The following FUS variants were observed in gnomAD, a reference collection of about 807,000 sequenced individuals.
FUS encodes RNA-binding protein FUS.
Under a neutral mutation model 82.7 loss-of-function variants are expected in FUS, and 5 were observed. That is an observed-to-expected ratio of 0.06 (90% confidence interval 0.03 to 0.13). The LOEUF is 0.13. Among genes scored for constraint, FUS ranks in the 10% least tolerant of loss-of-function variants. FUS has a pLI of 1.00. For missense variants in FUS, 512 were observed against 707.8 expected (o/e 0.72, Z 3.14); for synonymous variants, 281 against 247.4 (o/e 1.14, Z -1.27).
In FUS at chr16:31,187,903, G is replaced by A. The variant is rs530472679; in HGVS notation, c.800-422G>A. On this transcript the variant is annotated intron_variant, in intron 7 of 14. Coordinates refer to ENST00000254108, the MANE Select transcript of FUS (RefSeq NM_004960.4). ...CAAGGGTTAAGTGTCTGGTGGTAAA[G>A]TTGGGAGAAACTGGATGGATGCACA... The A allele has an allele frequency of 1.2e-4, 32 of 268,714 alleles. 1 individual carries two copies. In the South Asian group the frequency reaches 2.9e-3, roughly 25 times the overall value. 16.6% of individuals were successfully genotyped at this position (268,714 alleles called of 1,614,324 possible). A position where few individuals can be genotyped will look rare whatever the true frequency, so the allele number is the denominator to read the frequency against.
intron 12 of FUS, 70 bp downstream of exon 12, chr16:31,190,468 T>C: frequency 2.5e-6 from 4 of 1,605,930 alleles, no homozygotes; most frequent in Non-Finnish European, 3.4e-6. Context: ...TACTGAGGTA[T>C]GTGCGTGTTT....
At chr16:31,190,433 G>T in intron 12 of FUS, 35 bp downstream of exon 12, 1 of 1,613,874 alleles carries the variant, frequency 6.2e-7, no homozygotes, top group Non-Finnish European at 8.5e-7. Flanking sequence ...TAGTTCTCTT[G>T]CATGCGTGCT....
intron 4 of FUS, 39 bp from the exon 5 acceptor site, chr16:31,184,170 G>C: frequency 6.2e-7 from 1 of 1,614,184 alleles, no homozygotes; most frequent in Non-Finnish European, 8.5e-7. Context: ...TGGGGGCTAT[G>C]CTGGGATTGT....
In FUS at chr16:31,190,392, C is replaced by T; in HGVS notation, c.1286C>T (p.Pro429Leu). Residue 429 changes from proline (P) to leucine (L), a missense_variant, in exon 12 of 15, where the codon CCT (proline) becomes CTT (leucine). This residue lies in a region of FUS where 63 missense variants were observed against 83.0 expected (regional missense o/e 0.76). Transcript: ENST00000254108. The stretch of plus-strand genomic sequence containing the variant: ...CAGCGAGCTGGTGACTGGAAGTGTC[C>T]TAATCCGTGAGTGAAACTTAATTTT... ...GQQRAGDWKC[P>L]NPTCENMNFS... 6.2e-7 allele frequency: 1 copy of T among 1,614,124 alleles called. No individual in the cohort carries two copies. Among genetic ancestry groups the T allele is most frequent in the South Asian group, 1.1e-5 (1 of 91,074 alleles).
At chr16:31,180,254 G>A (rs1286132474) in intron 1 of FUS, 27 bp downstream of exon 1, 2 of 1,604,448 alleles carry the variant, frequency 1.2e-6, no homozygotes, top group East Asian at 4.5e-5. Context: ...GGCGACGGCG[G>A]CGGCGCACCC....
At chr16:31,192,203 G>A (rs1282635445), downstream of FUS, 3 of 527,722 alleles carry the variant, frequency 5.7e-6, no homozygotes, top group Non-Finnish European at 1.1e-5. Flanking sequence ...GTACTCAGAG[G>A]GCTTGAGGTC....
Position 31,190,766 on chromosome 16 carries a change from T to G in FUS, c.1317T>G (p.Ser439=), listed in dbSNP as rs377010944. The change falls in exon 13 of 15, where the codon TCT becomes TCG. Residue 439 remains serine (S), a synonymous_variant. Coordinates refer to ENST00000254108, the MANE Select transcript of FUS (RefSeq NM_004960.4). Reference sequence around the variant, plus strand: ...GCACCTGTGAGAATATGAACTTCTCTTGGAGGAATGAATGCAACCAGTGTA... The same window carrying G: ...GCACCTGTGAGAATATGAACTTCTCGTGGAGGAATGAATGCAACCAGTGTA... ...PNPTCENMNF[S]WRNECNQCKA... 5 of 1,614,074 alleles carry G rather than the reference T, an allele frequency of 3.1e-6. No individual in the cohort carries two copies. In the African/African-American group the frequency reaches 4.0e-5, roughly 13 times the overall value.
At chr16:31,180,638 C>G (rs572010988) in intron 1 of FUS, among the ~76,000 whole-genome samples, 89 of 152,362 alleles carry the variant, frequency 5.8e-4, no homozygotes, top group African/African-American at 2.1e-3. Flanking sequence ...CCTCCCCCTT[C>G]GCGGCGCGGG....
chr16:31,191,345 G>A (rs1446499040), intron 14 of FUS, 54 bp from the exon 15 acceptor site: 1 of 1,605,932 alleles, frequency 6.2e-7, no homozygotes, highest in Non-Finnish European at 8.5e-7. Flanking sequence ...TAGGCTTGGA[G>A]AGGCTGGTAA....
rs749434237 is a variant in FUS at position 31,185,116 on chromosome 16, G to T, written c.701G>T (p.Arg234Leu). ...GGCGGCGGCGGTGGTGGTTACAACC[G>T]CAGCAGTGGTGGCTATGAACCCAGA... is the stretch of plus-strand genomic sequence containing the variant. ...GGGGGGGGYN[R>L]SSGGYEPRGR... The change falls in exon 6 of 15, where the codon CGC becomes CTC. Residue 234 changes from arginine (R) to leucine (L), a missense_variant. By Grantham distance (102) the Arg-to-Leu change is moderately radical. This residue lies in a region of FUS where 276 missense variants were observed against 303.3 expected (regional missense o/e 0.91). Coordinates refer to ENST00000254108, the MANE Select transcript of FUS (RefSeq NM_004960.4). 3 of 1,609,296 alleles carry T rather than the reference G, an allele frequency of 1.9e-6. No homozygotes were observed. The highest frequency in any genetic ancestry group is 1.1e-5 in the South Asian group (1 of 90,646).
intron 1 of FUS, among the ~76,000 whole-genome samples, chr16:31,181,059 C>A (rs1257581386): frequency 6.6e-6 from 1 of 152,160 alleles, no homozygotes; most frequent in Non-Finnish European, 1.5e-5. Context: ...ATTATAGGCG[C>A]CCGCCACCAC....
At position 31,180,140 on chromosome 16, in the gene FUS, C is replaced by G. The variant is rs1413647268; in HGVS notation, c.-75C>G. ...AGCTTCGACGCAGGAGGCGGGGCTG[C>G]TCAGTCCTCCAGGCGTCGGTACTCA... On this transcript the variant is annotated 5_prime_UTR_variant, in exon 1 of 15. Coordinates refer to ENST00000254108, the MANE Select transcript of FUS (RefSeq NM_004960.4). 12 of 1,576,922 alleles carry G rather than the reference C, an allele frequency of 7.6e-6. No homozygotes were observed. The highest frequency in any genetic ancestry group is 1.0e-5 in the Non-Finnish European group (12 of 1,159,372).
At position 31,182,137 on chromosome 16, in the gene FUS, G is replaced by T. The variant is rs534643719; in HGVS notation, c.14-261G>T. Reference sequence around the variant, plus strand: ...CCCGAGTAGCTGGGATTACAGGCGTGCGCCACCATGCCCGGCTAATTTTTT... The same window carrying T: ...CCCGAGTAGCTGGGATTACAGGCGTTCGCCACCATGCCCGGCTAATTTTTT... On this transcript the variant is annotated intron_variant, in intron 1 of 14. Transcript: ENST00000254108. 41 of 468,200 alleles carry T rather than the reference G, an allele frequency of 8.8e-5. 1 individual carries two copies. The highest frequency in any genetic ancestry group is 8.5e-4 in the South Asian group (41 of 48,256). 29.0% of individuals were successfully genotyped at this position (468,200 alleles called of 1,614,324 possible).
downstream of FUS, chr16:31,194,106 A>G (rs1309435942): frequency 1.9e-6 from 1 of 533,588 alleles, no homozygotes; most frequent in Non-Finnish European, 3.6e-6. Context: ...GCCTTCAGTT[A>G]GCCCTTTCAG....
At chr16:31,188,410 G>C in intron 8 of FUS, 53 bp downstream of exon 8, 3 of 1,576,668 alleles carry the variant, frequency 1.9e-6, no homozygotes, top group Non-Finnish European at 2.6e-6. Context: ...TATCAAGACT[G>C]CCTGGATGTT....
rs771990569 is a variant in FUS, at chr16:31,183,848, A to G, written c.191-10A>G. ...TGGCTTTTGTGACTCCCTTTTTCTT[A>G]TCCTGGTAGCAGGCTATGGAACTCA... is the stretch of plus-strand genomic sequence containing the variant. On this transcript the variant is annotated splice_polypyrimidine_tract_variant and intron_variant, in intron 3 of 14. Transcript: ENST00000254108. The G allele has an allele frequency of 5.6e-6, 9 of 1,613,838 alleles. No individual in the cohort carries two copies. In the Admixed American group the frequency reaches 6.7e-5, roughly 12 times the overall value.
chr16:31,192,544 G>A (rs959823023), downstream of FUS: 4 of 508,064 alleles, frequency 7.9e-6, no homozygotes, highest in African/African-American at 7.6e-5. Flanking sequence ...TAATTGGGAA[G>A]TGCTTTCCTC....
At chr16:31,186,465 C>T in intron 6 of FUS, 1 of 446,644 alleles carries the variant, frequency 2.2e-6, no homozygotes, top group Non-Finnish European at 4.1e-6. Context: ...AAACCAACTA[C>T]TTGGTTGTCA....
At chr16:31,188,814 T>G in intron 8 of FUS, 1 of 482,130 alleles carries the variant, frequency 2.1e-6, no homozygotes, top group Non-Finnish European at 3.7e-6. Flanking sequence ...TTCGGGGACC[T>G]TCAACTGAAA....
Sources: gnomAD v4.1 joint callset for allele counts (sites outside exome capture counted in the v4.1 genomes callset) on GRCh38, gnomAD v4.1.1 for gene constraint, gnomAD v4.1.1 regional missense constraint, MANE v1.5 for transcripts, NCBI Gene and HGNC (gene_info 2026-07-23, HGNC 2026-07-21) for gene names.